AP3B1: variants seen among roughly 807,000 people sequenced by gnomAD.
AP3B1 encodes the protein adaptor related protein complex 3 subunit beta 1, also known as AP-3 complex subunit beta-1.
Under a neutral mutation model 132.5 loss-of-function variants are expected in AP3B1, and 61 were observed. The ratio of observed to expected loss-of-function variants is 0.46; its 90% CI spans 0.37 to 0.57. The LOEUF (loss-of-function observed/expected upper bound fraction) is 0.57, where lower values mean the gene tolerates loss of function less well. Ranked by LOEUF, AP3B1 falls within the 20% of genes least tolerant of loss-of-function variation. AP3B1 has a pLI of 0.00. For synonymous variants in AP3B1, 388 were observed against 438.3 expected, an observed-to-expected ratio of 0.89 and a Z score of 1.43; for missense variants, 1,120 against 1,289.4, an observed-to-expected ratio of 0.87 and a Z score of 2.01.
At chr5:78,177,494 CA>C in intron 8 of AP3B1, 58 bp from the exon 9 acceptor site, 2 of 1,203,846 alleles carry the variant, frequency 1.7e-6, no homozygotes, top group Non-Finnish European at 2.5e-6. Context: ...TCTACAACCT[CA>C]AAATCCATTC....
intron 22 of AP3B1, chr5:78,041,975 TG>T: frequency 5.1e-6 from 1 of 195,760 alleles, no homozygotes. Flanking sequence ...TACTCATCAG[TG>T]GGCTTGGCTG....
At chr5:78,216,365 GA>G (rs1327273486) in intron 6 of AP3B1, 128 bp from the exon 7 acceptor site, 1 of 884,896 alleles carries the variant, frequency 1.1e-6, no homozygotes, top group Admixed American at 2.1e-5. Flanking sequence ...CAATTAAAAT[GA>G]ATGTTCATGT....
In AP3B1 at chr5:78,049,983, G is replaced by A. The variant is rs181289080; in HGVS notation, c.2578-10709C>T. On this transcript the variant is annotated intron_variant, in intron 22 of 26. Coordinates refer to ENST00000255194, the MANE Select transcript of AP3B1 (RefSeq NM_003664.5). ...CTGCTCAAAACCCGCCAATGGCCAGGATCCTTGTTCCATTTCCTTGATCTT... is the reference window on the plus strand; with the variant it reads ...CTGCTCAAAACCCGCCAATGGCCAGAATCCTTGTTCCATTTCCTTGATCTT... 2.4e-3 allele frequency among the ~76,000 whole-genome samples: 364 copies of A among 152,280 alleles called. 1 individual carries two copies. The highest frequency in any genetic ancestry group is 5.0e-3 in the Admixed American group (77 of 15,286).
chr5:78,034,401 C>CAAT lies in AP3B1; in HGVS notation c.2851_2853dup (p.Ile951dup). The CAAT allele has an allele frequency of 6.2e-7, 1 of 1,612,320 alleles. No homozygotes were observed. Among genetic ancestry groups the CAAT allele is most frequent in the Non-Finnish European group, 8.5e-7 (1 of 1,178,678 alleles). On this transcript the variant is annotated inframe_insertion, in exon 24 of 27. Transcript: ENST00000255194. ...GCAGTCTGAGTAGAATCACAAAAGT[C>CAAT]AATACCCATTGAAACTGTAATGGAT...
At chr5:78,059,299 TC>T (rs964826797) in intron 22 of AP3B1, among the ~76,000 whole-genome samples, 7 of 152,164 alleles carry the variant, frequency 4.6e-5, no homozygotes, top group African/African-American at 7.2e-5. Flanking sequence ...AATTGGATTT[TC>T]CCCTAGAGCT....
chr5:78,019,574 AC>A (rs1747005045), intron 25 of AP3B1, among the ~76,000 whole-genome samples: 1 of 152,148 alleles, frequency 6.6e-6, no homozygotes, highest in South Asian at 2.1e-4. Context: ...AAATAAAATC[AC>A]AAAGATAATT....
chr5:78,038,726 G>C (rs1747913422), intron 23 of AP3B1, among the ~76,000 whole-genome samples: 1 of 152,184 alleles, frequency 6.6e-6, no homozygotes, highest in African/African-American at 2.4e-5. Flanking sequence ...GAATGAAGCT[G>C]ACCAGGAGGA....
At chr5:78,040,263 G>C (rs1049828002) in intron 22 of AP3B1, among the ~76,000 whole-genome samples, 9 of 152,010 alleles carry the variant, frequency 5.9e-5, no homozygotes, top group Non-Finnish European at 1.0e-4. Context: ...ATTTTCTCCA[G>C]ATACTGAACT....
chr5:78,212,959 G>C (rs1745806013), intron 7 of AP3B1, among the ~76,000 whole-genome samples: 1 of 151,854 alleles, frequency 6.6e-6, no homozygotes, highest in African/African-American at 2.4e-5. Context: ...CTCACTGCAA[G>C]CTCTGCCTCC....
chr5:78,043,768 T>A, intron 22 of AP3B1: 3 of 386,258 alleles, frequency 7.8e-6, no homozygotes, highest in South Asian at 4.8e-5. Context: ...AGCACCAAAC[T>A]GCCCAATCAT....
chr5:78,212,508 G>A (rs1745783663), intron 7 of AP3B1, among the ~76,000 whole-genome samples: 1 of 151,936 alleles, frequency 6.6e-6, no homozygotes, highest in African/African-American at 2.4e-5. Context: ...TTTACTTCAA[G>A]GTAAAATGGC....
chr5:78,189,476 C>G (rs975156911), intron 7 of AP3B1, among the ~76,000 whole-genome samples: 1 of 152,008 alleles, frequency 6.6e-6, no homozygotes, highest in Admixed American at 6.6e-5. Context: ...AATTAAAGGT[C>G]GATGAATCAC....
In AP3B1 at chr5:78,015,541, T is replaced by A. The variant is rs1390900388; in HGVS notation, c.3000A>T (p.Leu1000=). ...EKDFKKEQGV[L]TGMNETSAVI... is the part of the protein sequence containing the mutation. ...CAGCAGAAGTTTCATTCATTCCTGTTAGCACTCCTGTAAAAGCAAAAGAAG... is the reference window on the plus strand; with the variant it reads ...CAGCAGAAGTTTCATTCATTCCTGTAAGCACTCCTGTAAAAGCAAAAGAAG... Residue 1000 remains leucine, a synonymous_variant, in exon 26 of 27, where the codon CTA becomes CTT. Coordinates refer to ENST00000255194, the MANE Select transcript of AP3B1 (RefSeq NM_003664.5). 1 of 1,613,660 alleles carries A rather than the reference T, an allele frequency of 6.2e-7. No homozygotes were observed. The highest frequency in any genetic ancestry group is 1.3e-5 in the African/African-American group (1 of 75,010).
rs144240072 is a variant in AP3B1, at chr5:78,100,999, A to G, written c.2424T>C (p.Asp808=). ...TKEKEKKTKQ[D]RTPLTKDVSL... ...AAACATCTTTGGTAAGAGGAGTTCT[A>G]TCTTGCTTTGTTTTCTTTTCTTTCT... Residue 808 remains aspartate, a synonymous_variant, in exon 21 of 27, where the codon GAT becomes GAC. Transcript: ENST00000255194. 3.2e-5 allele frequency: 50 copies of G among 1,551,026 alleles called. No individual in the cohort carries two copies. Among genetic ancestry groups the G allele is most frequent in the African/African-American group, 1.2e-4 (9 of 73,564 alleles).
intron 12 of AP3B1, among the ~76,000 whole-genome samples, chr5:78,163,640 C>CATAT (rs200184761): frequency 2.3e-3 from 330 of 142,602 alleles, no homozygotes; most frequent in African/African-American, 7.8e-3. Context: ...ATATAGTATA[C>CATAT]ATATATATAT....
chr5:78,117,221 A>T (rs868279608), intron 17 of AP3B1, among the ~76,000 whole-genome samples: 25 of 145,170 alleles, frequency 1.7e-4, no homozygotes, highest in South Asian at 1.1e-3. Flanking sequence ...TTGTTAACAT[A>T]CTATACAATC....
At chr5:78,161,537 TA>T (rs1162289939) in intron 13 of AP3B1, among the ~76,000 whole-genome samples, 1 of 151,998 alleles carries the variant, frequency 6.6e-6, no homozygotes, top group African/African-American at 2.4e-5. Context: ...TGTCACATTT[TA>T]AAATGTGACA....
chr5:78,260,308 C>G (rs982248048), intron 2 of AP3B1, among the ~76,000 whole-genome samples: 4 of 151,922 alleles, frequency 2.6e-5, no homozygotes, highest in African/African-American at 7.2e-5. Context: ...GAGGAGGGGC[C>G]GGGCGTGGTG....
chr5:78,220,187 T>G (rs1417267877), intron 6 of AP3B1, among the ~76,000 whole-genome samples: 2 of 151,976 alleles, frequency 1.3e-5, no homozygotes, highest in Non-Finnish European at 2.9e-5. Flanking sequence ...TTTTTAACCT[T>G]TCTACAATGG....
Sources: allele counts gnomAD v4.1 joint callset (sites outside exome capture counted in the v4.1 genomes callset), GRCh38; gene constraint gnomAD v4.1.1; transcripts MANE v1.5; gene names NCBI Gene and HGNC (gene_info 2026-07-23, HGNC 2026-07-21).